Variants in SCNN1B observed in about 807,000 individuals in gnomAD.
SCNN1B encodes the protein sodium channel epithelial 1 subunit beta.
A neutral mutation model predicts 65.3 loss-of-function variants in SCNN1B; 46 were observed. The observed-to-expected ratio is 0.70, with a 90% CI of 0.56 to 0.90. SCNN1B has a LOEUF of 0.90. Among genes scored for constraint, SCNN1B ranks in the 40% least tolerant of loss-of-function variants. SCNN1B has a pLI of 0.00. For synonymous variants in SCNN1B, 349 were observed against 330.6 expected (o/e 1.06, Z -0.60); for missense variants, 751 against 830.5 (o/e 0.90, Z 1.18).
intron 1 of SCNN1B, among the ~76,000 whole-genome samples, chr16:23,330,249 G>T (rs570974203): frequency 6.6e-6 from 1 of 152,134 alleles, no homozygotes. Flanking sequence ...GCTCTTGTCC[G>T]GCATCCTCCA....
chr16:23,362,984 C>A (rs1256998376), intron 4 of SCNN1B, among the ~76,000 whole-genome samples: 1 of 152,194 alleles, frequency 6.6e-6, no homozygotes, highest in Non-Finnish European at 1.5e-5. Context: ...TGAGCCCTTT[C>A]TCCTCCCTAC....
chr16:23,308,999 C>T (rs1961280572), intron 1 of SCNN1B, among the ~76,000 whole-genome samples: 1 of 152,154 alleles, frequency 6.6e-6, no homozygotes, highest in Non-Finnish European at 1.5e-5. Context: ...AGATCTCCTC[C>T]AGCCGTCTGT....
intron 2 of SCNN1B, among the ~76,000 whole-genome samples, chr16:23,296,106 A>G (rs1200053822): frequency 1.3e-5 from 2 of 151,872 alleles, no homozygotes; most frequent in Non-Finnish European, 2.9e-5. Flanking sequence ...GGGCTGAAGG[A>G]GAAGTCGGGC....
chr16:23,282,560 A>G lies in SCNN1B; in HGVS notation n.111-1177A>G, dbSNP rs549179609. ...GATAAACCCATCATGAGTTGAAAAT[A>G]TCTTAATTGAGGTAGGAGGCATGAC... On this transcript the variant is annotated intron_variant and non_coding_transcript_variant, in intron 1 of 3. Coordinates refer to the SCNN1B transcript ENST00000569789. 5.9e-5 allele frequency among the ~76,000 whole-genome samples: 9 copies of G among 152,316 alleles called. No homozygotes were observed. In the East Asian group the frequency reaches 1.7e-3, roughly 29 times the overall value.
chr16:23,291,465 T>TGTGTAA (rs1370576644), intron 2 of SCNN1B, among the ~76,000 whole-genome samples: 4 of 137,594 alleles, frequency 2.9e-5, no homozygotes, highest in Non-Finnish European at 3.0e-5. Flanking sequence ...TATATATATG[T>TGTGTAA]GTGTGTGTAA....
intron 1 of SCNN1B, among the ~76,000 whole-genome samples, chr16:23,324,953 G>A (rs534933955): frequency 6.6e-6 from 1 of 152,386 alleles, no homozygotes; most frequent in African/African-American, 2.4e-5. Flanking sequence ...CATGGGGCCT[G>A]GTGGGCAGGG....
rs1313051063 is a variant in SCNN1B, at chr16:23,343,473, A to AG, written c.-8-5118dup. ...GCCAAAAATAAAAAAAGGAAAAGAA[A>AG]GAAAGGAAGGAAGGAAGGAAGGAAG... On this transcript the variant is annotated intron_variant, in intron 1 of 12. Coordinates refer to ENST00000343070, the MANE Select transcript of SCNN1B (RefSeq NM_000336.3). Among the ~76,000 whole-genome samples the AG allele has an allele frequency of 4.0e-3, 516 of 128,150 alleles. 29 individuals carry two copies. Among genetic ancestry groups the AG allele is most frequent in the African/African-American group, 0.015 (479 of 31,864 alleles). 84.1% of individuals were successfully genotyped at this position (128,150 alleles called of 152,430 possible).
intron 3 of SCNN1B, among the ~76,000 whole-genome samples, chr16:23,353,927 A>G (rs992114057): frequency 1.3e-5 from 2 of 152,182 alleles, no homozygotes; most frequent in African/African-American, 4.8e-5. Flanking sequence ...CTCCTGGAGA[A>G]TCTGAGTGAG....
chr16:23,375,495 G>T (rs933080480), intron 7 of SCNN1B, among the ~76,000 whole-genome samples: 10 of 152,200 alleles, frequency 6.6e-5, no homozygotes, highest in African/African-American at 2.2e-4. Flanking sequence ...GGATACTGCG[G>T]TCTGGCCTGG....
chr16:23,365,310 A>G (rs1392535000), intron 4 of SCNN1B, among the ~76,000 whole-genome samples: 3 of 150,814 alleles, frequency 2.0e-5, no homozygotes, highest in Non-Finnish European at 1.5e-5. Flanking sequence ...GAAAGAGAGA[A>G]AAAGAGAGAA....
At chr16:23,332,986 G>A (rs1444351900) in intron 1 of SCNN1B, among the ~76,000 whole-genome samples, 4 of 152,056 alleles carry the variant, frequency 2.6e-5, no homozygotes, top group Admixed American at 6.5e-5. Flanking sequence ...CAGGAGAATC[G>A]CTTGAACCTG....
At chr16:23,369,727 G>T (rs1047640288) in intron 5 of SCNN1B, among the ~76,000 whole-genome samples, 1 of 152,170 alleles carries the variant, frequency 6.6e-6, no homozygotes, top group Non-Finnish European at 1.5e-5. Flanking sequence ...TGCCACAGAG[G>T]TGCCAGTCAA....
At chr16:23,331,160 C>T (rs1016964004) in intron 1 of SCNN1B, among the ~76,000 whole-genome samples, 3 of 152,200 alleles carry the variant, frequency 2.0e-5, no homozygotes, top group African/African-American at 7.2e-5. Context: ...CTCTGCCCCA[C>T]ACAACTTGCT....
chr16:23,291,453 C>CAT (rs199639265), intron 2 of SCNN1B, among the ~76,000 whole-genome samples: 23 of 142,728 alleles, frequency 1.6e-4, no homozygotes, highest in African/African-American at 3.8e-4. Flanking sequence ...TTTATATATC[C>CAT]ATATATATAT....
At chr16:23,305,534 TTATA>T (rs56338840) in intron 1 of SCNN1B, among the ~76,000 whole-genome samples, 30 of 7,372 alleles carry the variant, frequency 4.1e-3, no homozygotes, top group South Asian at 0.011. Context: ...AATATATATA[TTATA>T]TATATATATA....
chr16:23,305,571 T>A (rs7200775), intron 1 of SCNN1B, among the ~76,000 whole-genome samples: 2,844 of 33,518 alleles, frequency 0.085, 334 homozygotes, highest in African/African-American at 0.36. Context: ...TATATATATA[T>A]ATATATTATA....
intron 2 of SCNN1B, among the ~76,000 whole-genome samples, chr16:23,295,038 T>C (rs1455757242): frequency 6.6e-6 from 1 of 152,066 alleles, no homozygotes; most frequent in Non-Finnish European, 1.5e-5. Flanking sequence ...TCCTCTCCTC[T>C]GGCCTGCATT....
chr16:23,339,942 A>G (rs766380651), intron 1 of SCNN1B, among the ~76,000 whole-genome samples: 114 of 152,134 alleles, frequency 7.5e-4, no homozygotes, highest in Non-Finnish European at 1.6e-3. Flanking sequence ...TGTGTAGGAG[A>G]ATTCCGGTTG....
intron 1 of SCNN1B, 62 bp downstream of exon 1, chr16:23,302,499 C>A (rs1451488578): frequency 6.6e-6 from 1 of 152,516 alleles, no homozygotes; most frequent in Non-Finnish European, 1.5e-5. Context: ...TCCCTGCGCG[C>A]GCGCCTTCTC....
Sources: gnomAD v4.1 joint callset for allele counts (sites outside exome capture counted in the v4.1 genomes callset) on GRCh38, gnomAD v4.1.1 for gene constraint, MANE v1.5 for transcripts, NCBI Gene and HGNC (gene_info 2026-07-23, HGNC 2026-07-21) for gene names.